The following HTR2C variants were observed in gnomAD, a reference collection of about 807,000 sequenced individuals.
The protein encoded by HTR2C is 5-hydroxytryptamine (serotonin) receptor 2C, G protein-coupled.
A neutral mutation model predicts 21.0 loss-of-function variants in HTR2C; 5 were observed. The observed-to-expected ratio is 0.24, with a 90% CI of 0.12 to 0.50. The LOEUF is 0.50. Ranked by LOEUF, HTR2C falls within the 20% of genes least tolerant of loss-of-function variation. HTR2C has a pLI of 0.98. For missense variants in HTR2C, 271 were observed against 371.2 expected (o/e 0.73, Z 2.22); for synonymous variants, 150 against 145.3 (o/e 1.03, Z -0.23).
At chrX:114,643,599 C>T (rs193215389) in intron 2 of HTR2C, among the ~76,000 whole-genome samples, 57 of 110,431 alleles carry the variant, frequency 5.2e-4, no homozygotes, top group African/African-American at 1.7e-3. Context: ...CAAATTAATC[C>T]GTTTTAACAG....
At chrX:114,815,800 G>A (rs892909073) in intron 4 of HTR2C, among the ~76,000 whole-genome samples, 6 of 108,701 alleles carry the variant, frequency 5.5e-5, no homozygotes, top group Non-Finnish European at 7.7e-5. Context: ...TGACTTTTAT[G>A]GCTACTCTTA....
chrX:114,586,375 T>C (rs1335768217), intron 1 of HTR2C, among the ~76,000 whole-genome samples: 1 of 111,996 alleles, frequency 8.9e-6, no homozygotes, highest in African/African-American at 3.2e-5. Flanking sequence ...TATTTAATTA[T>C]ATTTTTCATT....
At chrX:114,620,956 CT>C (rs1431160319) in intron 2 of HTR2C, among the ~76,000 whole-genome samples, 2 of 111,665 alleles carry the variant, frequency 1.8e-5, no homozygotes, top group East Asian at 5.7e-4. Context: ...CTTGGCCTCA[CT>C]GCAAACTCTG....
intron 4 of HTR2C, among the ~76,000 whole-genome samples, chrX:114,788,842 T>C (rs782361156): frequency 9.0e-6 from 1 of 110,518 alleles, no homozygotes; most frequent in South Asian, 3.9e-4. Flanking sequence ...AGAGATGGGG[T>C]TTTGCCATGT....
chrX:114,816,722 TA>T (rs782420410), intron 4 of HTR2C, among the ~76,000 whole-genome samples: 1 of 110,503 alleles, frequency 9.0e-6, no homozygotes, highest in African/African-American at 3.3e-5. Context: ...AGATTAAGCA[TA>T]AAAAAATTAC....
At chrX:114,887,180 G>C (rs201266108) in intron 5 of HTR2C, among the ~76,000 whole-genome samples, 1 of 112,044 alleles carries the variant, frequency 8.9e-6, no homozygotes, top group African/African-American at 3.2e-5. Context: ...CCAGTCTGAG[G>C]TTAGACAGGT....
chrX:114,775,166 T>G, intron 4 of HTR2C: 1 of 522,935 alleles, frequency 1.9e-6, no homozygotes, highest in Non-Finnish European at 3.5e-6. Flanking sequence ...GATGACACTT[T>G]GTCCCTCTGC....
chrX:114,810,303 T>C (rs947890007), intron 4 of HTR2C, among the ~76,000 whole-genome samples: 1 of 111,473 alleles, frequency 9.0e-6, no homozygotes, highest in South Asian at 3.9e-4. Flanking sequence ...CTAGGTCTCA[T>C]GCACCCCAAG....
intron 2 of HTR2C, among the ~76,000 whole-genome samples, chrX:114,656,189 T>G (rs183242701): frequency 2.4e-4 from 27 of 111,115 alleles, no homozygotes; most frequent in African/African-American, 8.8e-4. Context: ...TGTGTTCACT[T>G]TGTTGGCTTA....
At chrX:114,634,042 A>G (rs188206255) in intron 2 of HTR2C, among the ~76,000 whole-genome samples, 3 of 109,639 alleles carry the variant, frequency 2.7e-5, no homozygotes, top group African/African-American at 9.9e-5. Flanking sequence ...AATCTATAAT[A>G]GAAGGTACTT....
intron 2 of HTR2C, among the ~76,000 whole-genome samples, chrX:114,653,571 T>G (rs975963913): frequency 9.0e-6 from 1 of 110,785 alleles, no homozygotes; most frequent in African/African-American, 3.3e-5. Flanking sequence ...TTCATGCAAC[T>G]TGCTTCTTAC....
At chrX:114,745,526 C>T (rs1245766334) in intron 4 of HTR2C, among the ~76,000 whole-genome samples, 1 of 111,947 alleles carries the variant, frequency 8.9e-6, no homozygotes, top group Non-Finnish European at 1.9e-5. Flanking sequence ...GCACTGTTCA[C>T]AATAGCCAAG....
At chrX:114,709,650 C>T (rs1932862209) in intron 2 of HTR2C, among the ~76,000 whole-genome samples, 1 of 111,601 alleles carries the variant, frequency 9.0e-6, no homozygotes, top group Admixed American at 9.6e-5. Context: ...CATAACCATG[C>T]AGGGCTTCCA....
At chrX:114,732,650 A>G (rs1032665160) in intron 4 of HTR2C, among the ~76,000 whole-genome samples, 1 of 111,578 alleles carries the variant, frequency 9.0e-6, no homozygotes, top group Non-Finnish European at 1.9e-5. Flanking sequence ...ATCGAGTTTC[A>G]ATGATGCATT....
At chrX:114,589,649 T>G in intron 1 of HTR2C, 1 of 192,904 alleles carries the variant, frequency 5.2e-6, no homozygotes, top group Middle Eastern at 2.2e-3. Context: ...CTCACAAGAC[T>G]TAAAGAAGTG....
intron 1 of HTR2C, among the ~76,000 whole-genome samples, chrX:114,609,684 G>A: frequency 8.9e-6 from 1 of 111,947 alleles, no homozygotes; most frequent in Non-Finnish European, 1.9e-5. Flanking sequence ...TAAATAAAGA[G>A]GATGAGGCAA....
intron 2 of HTR2C, among the ~76,000 whole-genome samples, chrX:114,686,623 C>G (rs1054290925): frequency 2.7e-5 from 3 of 110,428 alleles, no homozygotes; most frequent in Non-Finnish European, 3.8e-5. Flanking sequence ...AGAAAGTAGG[C>G]AAGGCTAGAA....
At chrX:114,735,076 G>A (rs1214213436) in intron 4 of HTR2C, among the ~76,000 whole-genome samples, 1 of 110,838 alleles carries the variant, frequency 9.0e-6, no homozygotes, top group Admixed American at 9.7e-5. Flanking sequence ...AGGCCTAGGC[G>A]GGCGGATCAC....
intron 2 of HTR2C, among the ~76,000 whole-genome samples, chrX:114,725,536 C>A (rs6643892): frequency 0.021 from 2,383 of 112,350 alleles, 74 homozygotes; most frequent in African/African-American, 0.074. Context: ...ATTCTCCATC[C>A]AGCTTTCTTC....
Sources: allele counts gnomAD v4.1 joint callset (sites outside exome capture counted in the v4.1 genomes callset), GRCh38; gene constraint gnomAD v4.1.1; transcripts MANE v1.5; gene names NCBI Gene and HGNC (gene_info 2026-07-23, HGNC 2026-07-21).